Variants in SH3BGRL2 observed in about 807,000 individuals in gnomAD.
The protein encoded by SH3BGRL2 is SH3 domain binding glutamate rich protein like 2, also known as SH3 domain-binding glutamic acid-rich-like protein 2.
SH3BGRL2 carries 21 observed loss-of-function variants against 14.8 expected under a neutral mutation model. That is an observed-to-expected ratio of 1.42 (90% confidence interval 1.01 to 2.05). The LOEUF is 2.05. SH3BGRL2 is among the 30% of genes most tolerant of loss of function. The pLI is 0.00. For missense variants in SH3BGRL2, 147 were observed against 130.8 expected, an observed-to-expected ratio of 1.12 and a Z score of -0.61; for synonymous variants, 50 against 47.8, an observed-to-expected ratio of 1.05 and a Z score of -0.19.
chr6:79,594,879 C>T, the SH3BGRL2 span, among the ~76,000 whole-genome samples: 4 of 152,176 alleles, frequency 2.6e-5, no homozygotes, highest in Non-Finnish European at 5.9e-5. Flanking sequence ...CTTTACAAGA[C>T]AATTTAGGAT....
At chr6:79,623,016 T>C in the SH3BGRL2 span, among the ~76,000 whole-genome samples, 6 of 152,130 alleles carry the variant, frequency 3.9e-5, no homozygotes, top group Non-Finnish European at 7.3e-5. Context: ...TTTAAAAATA[T>C]GTCTGATTGC....
At chr6:79,542,722 C>G in the SH3BGRL2 span, among the ~76,000 whole-genome samples, 1,514 of 152,312 alleles carry the variant, frequency 9.9e-3, 34 homozygotes, top group African/African-American at 0.035. Flanking sequence ...TTCTCAATGT[C>G]TCTGTTCCTG....
At chr6:79,622,204 T>C in the SH3BGRL2 span, among the ~76,000 whole-genome samples, 8 of 152,130 alleles carry the variant, frequency 5.3e-5, no homozygotes, top group Admixed American at 5.2e-4. Flanking sequence ...AGAAGCAGAT[T>C]TGGGAAGCAG....
chr6:79,696,333 C>A, intron 2 of SH3BGRL2, 152 bp from the exon 3 acceptor site: 1 of 546,018 alleles, frequency 1.8e-6, no homozygotes. Flanking sequence ...TACGTGCAAG[C>A]AGACTAATTC....
the SH3BGRL2 span, among the ~76,000 whole-genome samples, chr6:79,559,476 T>C: frequency 6.6e-6 from 1 of 152,054 alleles, no homozygotes; most frequent in South Asian, 2.1e-4. Context: ...AAATGAGAAA[T>C]GGTCTATTAA....
chr6:79,597,027 C>A, the SH3BGRL2 span, among the ~76,000 whole-genome samples: 1 of 152,052 alleles, frequency 6.6e-6, no homozygotes. Flanking sequence ...GTCAGGAATT[C>A]GAGATCAGCC....
chr6:79,650,908 GTAATATATAAA>G (rs1317610134), intron 1 of SH3BGRL2, among the ~76,000 whole-genome samples: 3 of 148,366 alleles, frequency 2.0e-5, no homozygotes, highest in African/African-American at 7.4e-5. Flanking sequence ...AAATATATAA[GTAATATATAAA>G]TAATGTATAA....
At chr6:79,554,119 T>C in the SH3BGRL2 span, among the ~76,000 whole-genome samples, 1 of 142,168 alleles carries the variant, frequency 7.0e-6, no homozygotes, top group South Asian at 2.4e-4. Context: ...TTTAAAATTA[T>C]GTAGTCAGTC....
chr6:79,542,722 C>T, the SH3BGRL2 span, among the ~76,000 whole-genome samples: 3 of 152,196 alleles, frequency 2.0e-5, no homozygotes, highest in Non-Finnish European at 2.9e-5. Flanking sequence ...TTCTCAATGT[C>T]TCTGTTCCTG....
At chr6:79,631,074 C>T (rs1159042584), upstream of SH3BGRL2, among the ~76,000 whole-genome samples, 1 of 152,174 alleles carries the variant, frequency 6.6e-6, no homozygotes, top group Non-Finnish European at 1.5e-5. Flanking sequence ...GCTTTTTCCT[C>T]ATCAAGCCAG....
At chr6:79,645,694 T>TTG (rs1223728820) in intron 1 of SH3BGRL2, among the ~76,000 whole-genome samples, 7 of 152,206 alleles carry the variant, frequency 4.6e-5, no homozygotes, top group South Asian at 4.1e-4. Flanking sequence ...GCCAGCAAGT[T>TTG]TGTGTGTGTG....
At chr6:79,556,039 A>G in the SH3BGRL2 span, among the ~76,000 whole-genome samples, 1 of 152,068 alleles carries the variant, frequency 6.6e-6, no homozygotes, top group Non-Finnish European at 1.5e-5. Flanking sequence ...ACCTCATACT[A>G]TTTCATCAAA....
At chr6:79,631,626 C>T in intron 1 of SH3BGRL2, 120 bp downstream of exon 1, 2 of 745,404 alleles carry the variant, frequency 2.7e-6, no homozygotes, top group Non-Finnish European at 3.7e-6. Flanking sequence ...GGAGCCCGCG[C>T]CCGGCAGGTG....
Position 79,631,422 on chromosome 6 carries a change from G to C in SH3BGRL2, c.-40G>C. ...AGCTCTGCGTCCACGCCAGCCCGGA[G>C]CCCGGGGGGCAAGGGGTCTGTCCCG... On this transcript the variant is annotated 5_prime_UTR_variant, in exon 1 of 4. Coordinates refer to ENST00000369838, the MANE Select transcript of SH3BGRL2 (RefSeq NM_031469.4). 4 of 1,502,032 alleles carry C rather than the reference G, an allele frequency of 2.7e-6. No homozygotes were observed. Among genetic ancestry groups the C allele is most frequent in the Non-Finnish European group, 3.6e-6 (4 of 1,124,180 alleles). The allele number at this position is 1,502,032 out of a possible 1,614,324, so 93.0% of individuals were successfully genotyped here. A position where few individuals can be genotyped will look rare whatever the true frequency, so the allele number is the denominator to read the frequency against.
At chr6:79,627,276 C>T (rs377503622), upstream of SH3BGRL2, among the ~76,000 whole-genome samples, 2 of 152,084 alleles carry the variant, frequency 1.3e-5, no homozygotes, top group East Asian at 1.9e-4. Context: ...ATGTATTTTC[C>T]GACCTGGTCA....
intron 1 of SH3BGRL2, among the ~76,000 whole-genome samples, chr6:79,661,711 G>T (rs1462013501): frequency 6.6e-6 from 1 of 152,172 alleles, no homozygotes; most frequent in Non-Finnish European, 1.5e-5. Flanking sequence ...TCATTCATCT[G>T]TCTAATTCTG....
At chr6:79,567,281 G>T in the SH3BGRL2 span, among the ~76,000 whole-genome samples, 3 of 152,052 alleles carry the variant, frequency 2.0e-5, 1 homozygote, top group South Asian at 6.2e-4. Flanking sequence ...TGTGGAATCT[G>T]ATAAACTAAT....
the SH3BGRL2 span, among the ~76,000 whole-genome samples, chr6:79,625,223 C>T: frequency 1.5e-4 from 21 of 139,102 alleles, no homozygotes; most frequent in African/African-American, 5.9e-4. Flanking sequence ...TATACACACA[C>T]ATATATATAT....
At chr6:79,590,281 A>C in the SH3BGRL2 span, among the ~76,000 whole-genome samples, 1 of 151,906 alleles carries the variant, frequency 6.6e-6, no homozygotes, top group East Asian at 1.9e-4. Flanking sequence ...CAATCCCATT[A>C]CTGGGTATAT....
Sources: allele counts gnomAD v4.1 joint callset (sites outside exome capture counted in the v4.1 genomes callset), GRCh38; gene constraint gnomAD v4.1.1; transcripts MANE v1.5; gene names NCBI Gene and HGNC (gene_info 2026-07-23, HGNC 2026-07-21).